SLC44A5: variants seen among roughly 807,000 people sequenced by gnomAD.
SLC44A5 encodes the protein solute carrier family 44 member 5, also known as choline transporter-like protein 5.
A neutral mutation model predicts 101.8 loss-of-function variants in SLC44A5; 57 were observed. That is an observed-to-expected ratio of 0.56 (90% CI 0.45 to 0.70). SLC44A5 has a LOEUF of 0.70. Among genes scored for constraint, SLC44A5 ranks in the 30% least tolerant of loss-of-function variants. The pLI is 0.00. For synonymous variants in SLC44A5, 281 were observed against 290.9 expected, an observed-to-expected ratio of 0.97 and a Z score of 0.35; for missense variants, 737 against 853.1, an observed-to-expected ratio of 0.86 and a Z score of 1.70.
chr1:75,720,067 C>A, the SLC44A5 span, among the ~76,000 whole-genome samples: 1 of 152,168 alleles, frequency 6.6e-6, no homozygotes, highest in Non-Finnish European at 1.5e-5. Flanking sequence ...TACTGTAAAT[C>A]CTGCCCTTAG....
chr1:75,619,084 G>GC, the SLC44A5 span, among the ~76,000 whole-genome samples: 2 of 85,168 alleles, frequency 2.3e-5, no homozygotes, highest in African/African-American at 4.7e-5. Flanking sequence ...AAAAAAGGGG[G>GC]GGGGGAAGGA....
At chr1:75,471,431 A>T (rs1057454737) in intron 2 of SLC44A5, among the ~76,000 whole-genome samples, 1 of 151,944 alleles carries the variant, frequency 6.6e-6, no homozygotes, top group Admixed American at 6.6e-5. Context: ...ACACCCATGA[A>T]TTAAATCAGA....
At chr1:75,429,956 A>G (rs1020106483) in intron 2 of SLC44A5, among the ~76,000 whole-genome samples, 3 of 152,204 alleles carry the variant, frequency 2.0e-5, no homozygotes, top group Admixed American at 2.0e-4. Context: ...ATTCCAAAAT[A>G]GATAAAATCA....
At chr1:75,566,212 T>C (rs959553149) in intron 1 of SLC44A5, among the ~76,000 whole-genome samples, 2 of 152,164 alleles carry the variant, frequency 1.3e-5, no homozygotes, top group African/African-American at 2.4e-5. Context: ...AGACAAATTA[T>C]TCTAGTACTA....
chr1:75,320,976 G>A (rs1656096384), intron 4 of SLC44A5, among the ~76,000 whole-genome samples: 1 of 152,002 alleles, frequency 6.6e-6, no homozygotes, highest in African/African-American at 2.4e-5. Flanking sequence ...AATTGCTACA[G>A]TAAGGCAAAA....
At chr1:75,714,297 T>C in the SLC44A5 span, among the ~76,000 whole-genome samples, 3 of 152,124 alleles carry the variant, frequency 2.0e-5, no homozygotes, top group Non-Finnish European at 4.4e-5. Flanking sequence ...ATCATCTCAG[T>C]AGATACAGAA....
the SLC44A5 span, among the ~76,000 whole-genome samples, chr1:75,695,606 G>T: frequency 6.6e-6 from 1 of 151,488 alleles, no homozygotes; most frequent in African/African-American, 2.4e-5. Flanking sequence ...GAAAACAAAA[G>T]ACTTAGTAGT....
At chr1:75,641,929 C>A in the SLC44A5 span, 17,513 of 1,605,442 alleles carry the variant, frequency 0.011, 146 homozygotes, top group Non-Finnish European at 0.013. Flanking sequence ...ATTTGGATTT[C>A]TTTGCCATGG....
intron 1 of SLC44A5, among the ~76,000 whole-genome samples, chr1:75,552,999 G>T (rs1388903434): frequency 6.6e-6 from 1 of 151,814 alleles, no homozygotes; most frequent in Non-Finnish European, 1.5e-5. Context: ...CAGGACACCA[G>T]TTCAAAAATT....
At chr1:75,268,693 G>A (rs2100722493) in intron 6 of SLC44A5, among the ~76,000 whole-genome samples, 2 of 152,162 alleles carry the variant, frequency 1.3e-5, no homozygotes, top group East Asian at 3.9e-4. Context: ...GTATACAAGT[G>A]TACAAACATA....
At chr1:75,553,449 G>A (rs932036116) in intron 1 of SLC44A5, among the ~76,000 whole-genome samples, 4 of 152,148 alleles carry the variant, frequency 2.6e-5, no homozygotes, top group Admixed American at 6.5e-5. Context: ...AAAAATTACT[G>A]GTCTGAGGGA....
intron 3 of SLC44A5, among the ~76,000 whole-genome samples, chr1:75,392,309 C>A (rs1447756006): frequency 6.6e-6 from 1 of 151,992 alleles, no homozygotes; most frequent in Non-Finnish European, 1.5e-5. Context: ...CTATAAGGAA[C>A]TTAACCAAAC....
At position 75,527,144 on chromosome 1, in the gene SLC44A5, GA is replaced by G. The variant is rs538261254; in HGVS notation, c.13+14290del. Reference sequence around the variant, plus strand: ...AGCAAGACACTGTCGCAAAAAAAAAGAAAAAAAAAAGAAAAGAAAAGAAAAA... The same window carrying G: ...AGCAAGACACTGTCGCAAAAAAAAAGAAAAAAAAAGAAAAGAAAAGAAAAA... On this transcript the variant is annotated intron_variant, in intron 2 of 23. Transcript: ENST00000370859. Among the ~76,000 whole-genome samples the G allele has an allele frequency of 1.5e-3, 124 of 80,686 alleles. 1 individual carries two copies. The highest frequency in any genetic ancestry group is 0.013 in the Admixed American group (105 of 8,224). 52.9% of individuals were successfully genotyped at this position (80,686 alleles called of 152,430 possible). A position where few individuals can be genotyped will look rare whatever the true frequency, so the allele number is the denominator to read the frequency against.
At chr1:75,668,698 G>A in the SLC44A5 span, among the ~76,000 whole-genome samples, 1 of 151,440 alleles carries the variant, frequency 6.6e-6, no homozygotes. Context: ...ACTGTGTGAA[G>A]AAAACAGACC....
chr1:75,422,515 T>C (rs923083643), intron 2 of SLC44A5, among the ~76,000 whole-genome samples: 2 of 152,200 alleles, frequency 1.3e-5, no homozygotes, highest in African/African-American at 4.8e-5. Context: ...CTTTAGTTTA[T>C]TTAGTTTAGG....
intron 2 of SLC44A5, among the ~76,000 whole-genome samples, chr1:75,467,314 G>C (rs1220132821): frequency 6.6e-6 from 1 of 152,026 alleles, no homozygotes; most frequent in Non-Finnish European, 1.5e-5. Flanking sequence ...ATTCTCCACA[G>C]AAATAGAAAA....
intron 4 of SLC44A5, among the ~76,000 whole-genome samples, chr1:75,313,871 A>C (rs1655497624): frequency 6.6e-6 from 1 of 152,226 alleles, no homozygotes; most frequent in Admixed American, 6.5e-5. Flanking sequence ...AGAAAAATGC[A>C]GAAAACTATT....
chr1:75,298,686 A>T (rs1239050117), intron 5 of SLC44A5, among the ~76,000 whole-genome samples: 6 of 152,138 alleles, frequency 3.9e-5, no homozygotes, highest in Admixed American at 3.9e-4. Flanking sequence ...TGGTCACAGG[A>T]TGAGATCTTT....
In SLC44A5 at chr1:75,525,819, C is replaced by T. The variant is rs559504717; in HGVS notation, c.13+15616G>A. 5.5e-4 allele frequency among the ~76,000 whole-genome samples: 84 copies of T among 151,924 alleles called. No individual in the cohort carries two copies. In the South Asian group the frequency reaches 0.017, roughly 30 times the overall value. ...GTCTGCAACATATTTTCAAGGTGTTCGGAAAAAAGTTCACATACTTACAAA... is the reference window on the plus strand; with the variant it reads ...GTCTGCAACATATTTTCAAGGTGTTTGGAAAAAAGTTCACATACTTACAAA... On this transcript the variant is annotated intron_variant, in intron 2 of 23. Coordinates refer to ENST00000370859, the MANE Select transcript of SLC44A5 (RefSeq NM_001130058.2).
Sources: gnomAD v4.1 joint callset for allele counts (sites outside exome capture counted in the v4.1 genomes callset) on GRCh38, gnomAD v4.1.1 for gene constraint, MANE v1.5 for transcripts, NCBI Gene and HGNC (gene_info 2026-07-23, HGNC 2026-07-21) for gene names.